The following RNF13 variants were observed in gnomAD, a reference collection of about 807,000 sequenced individuals.
RNF13 encodes ring finger protein 13, also known as E3 ubiquitin-protein ligase RNF13.
In RNF13, 19 loss-of-function variants were observed where a neutral mutation model predicts 37.7. That is an observed-to-expected ratio of 0.50 (90% CI 0.35 to 0.74). RNF13 has a LOEUF of 0.74. Among genes scored for constraint, RNF13 ranks in the 30% least tolerant of loss-of-function variants. The pLI is 0.01. For missense variants in RNF13, 375 were observed against 453.0 expected, an observed-to-expected ratio of 0.83 and a Z score of 1.56; for synonymous variants, 144 against 157.8, an observed-to-expected ratio of 0.91 and a Z score of 0.65.
chr3:149,834,999 A>T (rs531250628), intron 1 of RNF13, among the ~76,000 whole-genome samples: 53 of 152,340 alleles, frequency 3.5e-4, no homozygotes, highest in African/African-American at 1.3e-3. Context: ...CCTTTACCTT[A>T]TACCATATGC....
intron 8 of RNF13, among the ~76,000 whole-genome samples, chr3:149,950,159 C>T (rs766730888): frequency 1.3e-5 from 2 of 152,302 alleles, no homozygotes; most frequent in Non-Finnish European, 2.9e-5. Context: ...ATTTCCATCT[C>T]TTTGCCTACA....
chr3:149,827,739 G>A (rs1196447904), intron 1 of RNF13, among the ~76,000 whole-genome samples: 2 of 152,170 alleles, frequency 1.3e-5, no homozygotes, highest in African/African-American at 4.8e-5. Context: ...GCATAGGCAG[G>A]CTGCAAACAC....
chr3:149,872,027 A>G lies in RNF13; in HGVS notation c.196-2A>G, dbSNP rs749967901. The G allele has an allele frequency of 1.9e-6, 3 of 1,582,096 alleles. No individual in the cohort carries two copies. The highest frequency in any genetic ancestry group is 8.5e-7 in the Non-Finnish European group (1 of 1,170,940). ...AGATAATTTTTACCAATTCTTTTTCAGGGTTTTTTGATTAACTCAAAACCA... is the reference window on the plus strand; with the variant it reads ...AGATAATTTTTACCAATTCTTTTTCGGGGTTTTTTGATTAACTCAAAACCA... On this transcript the variant is annotated splice_acceptor_variant, in intron 3 of 9. Transcript: ENST00000392894. LOFTEE classifies it high-confidence loss of function.
In RNF13 at chr3:149,961,447, T is replaced by C. The variant is rs571780249; in HGVS notation, c.*343T>C. On this transcript the variant is annotated 3_prime_UTR_variant, in exon 10 of 10. Transcript: ENST00000392894. ...TTTTGCGTTTTATACATGAGGTCAG[T>C]GCTACAGCCACCTAGCATGAACTAA... The C allele has an allele frequency of 2.2e-4, 97 of 441,506 alleles. No homozygotes were observed. The highest frequency in any genetic ancestry group is 3.9e-4 in the Non-Finnish European group (90 of 228,098). The allele number at this position is 441,506 out of a possible 1,614,324, so 27.3% of individuals were successfully genotyped here. A position where few individuals can be genotyped will look rare whatever the true frequency, so the allele number is the denominator to read the frequency against.
chr3:149,845,935 G>T, intron 1 of RNF13, 76 bp from the exon 2 acceptor site: 1 of 709,960 alleles, frequency 1.4e-6, no homozygotes, highest in South Asian at 1.9e-5. Context: ...TTTGGACATT[G>T]GGAATTAATA....
intron 7 of RNF13, among the ~76,000 whole-genome samples, chr3:149,920,192 G>T (rs938774734): frequency 6.6e-6 from 1 of 151,826 alleles, no homozygotes; most frequent in Non-Finnish European, 1.5e-5. Flanking sequence ...TCAGTCTGTG[G>T]CTCATCTGTA....
intron 7 of RNF13, among the ~76,000 whole-genome samples, chr3:149,913,278 T>C (rs1224290961): frequency 2.0e-5 from 3 of 152,144 alleles, no homozygotes; most frequent in Non-Finnish European, 4.4e-5. Context: ...AAAAAAAGGA[T>C]TTTTGAAATT....
intron 3 of RNF13, among the ~76,000 whole-genome samples, chr3:149,856,361 G>A (rs549103391): frequency 6.6e-6 from 1 of 151,686 alleles, no homozygotes; most frequent in Admixed American, 6.6e-5. Flanking sequence ...TATTATGTCT[G>A]TAAAACCAAT....
At chr3:149,938,171 T>A (rs1193173953) in intron 8 of RNF13, among the ~76,000 whole-genome samples, 1 of 151,264 alleles carries the variant, frequency 6.6e-6, no homozygotes, top group African/African-American at 2.4e-5. Flanking sequence ...ATATAATTTT[T>A]TAAAATTTTT....
chr3:149,852,016 G>T (rs1487615436), intron 2 of RNF13, among the ~76,000 whole-genome samples: 1 of 152,122 alleles, frequency 6.6e-6, no homozygotes, highest in East Asian at 1.9e-4. Flanking sequence ...GGTCTTTTCA[G>T]TGTTCAACCC....
chr3:149,871,216 A>G (rs1712020361), intron 3 of RNF13, among the ~76,000 whole-genome samples: 1 of 151,034 alleles, frequency 6.6e-6, no homozygotes, highest in East Asian at 1.9e-4. Context: ...TAATTTTTGT[A>G]TTTTTAGTAG....
intron 8 of RNF13, chr3:149,939,026 A>T: frequency 4.2e-6 from 2 of 481,586 alleles, no homozygotes; most frequent in Non-Finnish European, 8.0e-6. Flanking sequence ...GATTTTGAAT[A>T]ACCTCCTGGT....
chr3:149,908,201 A>T (rs1716628473), intron 6 of RNF13, among the ~76,000 whole-genome samples: 1 of 152,216 alleles, frequency 6.6e-6, no homozygotes, highest in South Asian at 2.1e-4. Context: ...TTATTGGATA[A>T]CATACAACTT....
At chr3:149,931,574 A>G (rs1355895855) in intron 8 of RNF13, among the ~76,000 whole-genome samples, 1 of 152,156 alleles carries the variant, frequency 6.6e-6, no homozygotes, top group African/African-American at 2.4e-5. Context: ...ATTGATATAT[A>G]ATAGTTGTAC....
Position 149,906,645 on chromosome 3 carries a change from CTTTTTTTTTTTT to C in RNF13, c.500+4496_500+4507del, listed in dbSNP as rs35801459. Among the ~76,000 whole-genome samples, 14 of 79,160 alleles carry C rather than the reference CTTTTTTTTTTTT, an allele frequency of 1.8e-4. No individual in the cohort carries two copies. In the East Asian group the frequency reaches 2.9e-3, roughly 16 times the overall value. The allele number at this position is 79,160 out of a possible 152,430, so 51.9% of individuals were successfully genotyped here. ...ATGTCCTTTCATTTGTTCAATTCTG[CTTTTTTTTTTTT>C]TTTTTTTTTTTTAATTTAGAAAGGG... On this transcript the variant is annotated intron_variant, in intron 6 of 9. Transcript: ENST00000392894.
intron 7 of RNF13, among the ~76,000 whole-genome samples, chr3:149,915,152 T>G (rs991652571): frequency 2.6e-5 from 4 of 152,204 alleles, no homozygotes; most frequent in African/African-American, 9.6e-5. Context: ...TTTATCATGT[T>G]TGTGTTGGGT....
intron 7 of RNF13, among the ~76,000 whole-genome samples, chr3:149,913,580 A>G (rs1023367208): frequency 6.6e-5 from 10 of 152,154 alleles, no homozygotes; most frequent in African/African-American, 2.4e-4. Context: ...AGGATACCAC[A>G]TTGTATTTCA....
chr3:149,935,099 A>G (rs1719543706), intron 8 of RNF13, among the ~76,000 whole-genome samples: 1 of 152,200 alleles, frequency 6.6e-6, no homozygotes. Flanking sequence ...GAGCTGGATG[A>G]AGTGTTCTGT....
At chr3:149,958,195 C>A (rs1469704921) in intron 8 of RNF13, among the ~76,000 whole-genome samples, 2 of 152,114 alleles carry the variant, frequency 1.3e-5, no homozygotes, top group Non-Finnish European at 2.9e-5. Context: ...TGCCCTAAAA[C>A]AACAAAAATA....
Sources: allele counts gnomAD v4.1 joint callset (sites outside exome capture counted in the v4.1 genomes callset), GRCh38; gene constraint gnomAD v4.1.1; transcripts MANE v1.5; gene names NCBI Gene and HGNC (gene_info 2026-07-23, HGNC 2026-07-21).